The following RGPD2 variants were observed in gnomAD, a reference collection of about 807,000 sequenced individuals.
RGPD2 encodes RANBP2-like and GRIP domain-containing protein 2.
Under a neutral mutation model 36.0 loss-of-function variants are expected in RGPD2, and 2 were observed. That is an observed-to-expected ratio of 0.06 (90% CI 0.02 to 0.17). The LOEUF (loss-of-function observed/expected upper bound fraction) is 0.17, where lower values mean the gene tolerates loss of function less well. Ranked by LOEUF, RGPD2 falls within the 10% of genes least tolerant of loss-of-function variation. The pLI is 1.00. For synonymous variants in RGPD2, 19 were observed against 163.8 expected (o/e 0.12, Z 6.75); for missense variants, 40 against 464.3 (o/e 0.09, Z 8.40).
chr2:87,951,338 A>T, the RGPD2 span, among the ~76,000 whole-genome samples: 1 of 151,502 alleles, frequency 6.6e-6, no homozygotes, highest in East Asian at 2.0e-4. Flanking sequence ...AACTGCAAAA[A>T]CTAATTATTA....
At chr2:87,986,433 A>G in the RGPD2 span, among the ~76,000 whole-genome samples, 1 of 151,622 alleles carries the variant, frequency 6.6e-6, no homozygotes, top group Non-Finnish European at 1.5e-5. Flanking sequence ...GTGCCCAGCC[A>G]AGGACAGCTT....
chr2:87,857,489 C>T, the RGPD2 span, among the ~76,000 whole-genome samples: 1 of 151,392 alleles, frequency 6.6e-6, no homozygotes, highest in Non-Finnish European at 1.5e-5. Context: ...ACTACAGGCG[C>T]CCGCCTCCAC....
At chr2:87,978,232 C>CA in the RGPD2 span, among the ~76,000 whole-genome samples, 1 of 152,098 alleles carries the variant, frequency 6.6e-6, no homozygotes, top group Non-Finnish European at 1.5e-5. Flanking sequence ...GTCAAGAACT[C>CA]ACGTCTAGAA....
At chr2:87,858,087 G>A in the RGPD2 span, among the ~76,000 whole-genome samples, 1 of 152,242 alleles carries the variant, frequency 6.6e-6, no homozygotes, top group Non-Finnish European at 1.5e-5. Flanking sequence ...ATTTCCATGT[G>A]TAGATATAAA....
the RGPD2 span, among the ~76,000 whole-genome samples, chr2:87,971,961 CA>C: frequency 1.3e-5 from 2 of 150,346 alleles, no homozygotes; most frequent in Non-Finnish European, 1.5e-5. Context: ...CCCAACCACC[CA>C]AAAAAAGATA....
chr2:87,897,921 C>T, the RGPD2 span, among the ~76,000 whole-genome samples: 2 of 151,492 alleles, frequency 1.3e-5, no homozygotes, highest in Non-Finnish European at 2.9e-5. Context: ...TCAGATAATA[C>T]ATTTCAATTT....
chr2:87,980,351 CAA>C, the RGPD2 span, among the ~76,000 whole-genome samples: 3 of 3,394 alleles, frequency 8.8e-4, no homozygotes, highest in African/African-American at 1.2e-3. Context: ...TACTCCGTCT[CAA>C]AAAAAAAAAA....
At chr2:87,902,286 G>A in the RGPD2 span, among the ~76,000 whole-genome samples, 3 of 152,274 alleles carry the variant, frequency 2.0e-5, no homozygotes, top group South Asian at 6.2e-4. Flanking sequence ...TCTAGAGTTG[G>A]AAGAACTCTA....
chr2:87,855,610 C>G, the RGPD2 span, among the ~76,000 whole-genome samples: 1 of 150,780 alleles, frequency 6.6e-6, no homozygotes. Flanking sequence ...TTCAGAAGAG[C>G]ACTTTTTTTT....
chr2:87,988,487 T>C, the RGPD2 span, among the ~76,000 whole-genome samples: 4 of 118,398 alleles, frequency 3.4e-5, no homozygotes, highest in African/African-American at 1.1e-4. Flanking sequence ...GTTTCCCAGA[T>C]GTTCTTGCAA....
intron 1 of RGPD2, chr2:87,825,172 A>C (rs1686650733): frequency 7.7e-6 from 3 of 391,786 alleles, no homozygotes; most frequent in African/African-American, 2.1e-5. Context: ...AGTACTGATC[A>C]TTCTATTTCC....
At chr2:87,852,440 A>G in the RGPD2 span, among the ~76,000 whole-genome samples, 1 of 151,698 alleles carries the variant, frequency 6.6e-6, no homozygotes, top group Non-Finnish European at 1.5e-5. Context: ...TGCTCTAATG[A>G]CAGCATTCTC....
chr2:87,985,275 A>G, the RGPD2 span, among the ~76,000 whole-genome samples: 470 of 151,334 alleles, frequency 3.1e-3, 1 homozygote, highest in African/African-American at 0.011. Flanking sequence ...CTCAAATCAA[A>G]CCTTCCTCTT....
the RGPD2 span, among the ~76,000 whole-genome samples, chr2:87,831,283 AT>A: frequency 5.7e-5 from 8 of 140,664 alleles, no homozygotes; most frequent in African/African-American, 1.8e-4. Flanking sequence ...GGCAATAATG[AT>A]TTTTTTTTAC....
chr2:87,973,760 T>A, the RGPD2 span, among the ~76,000 whole-genome samples: 1 of 150,656 alleles, frequency 6.6e-6, no homozygotes, highest in Non-Finnish European at 1.5e-5. Flanking sequence ...CTGACTTACT[T>A]TGTGATCTTG....
the RGPD2 span, among the ~76,000 whole-genome samples, chr2:87,947,940 A>G: frequency 9.9e-5 from 15 of 151,226 alleles, no homozygotes; most frequent in African/African-American, 3.6e-4. Flanking sequence ...GACCCCTTCC[A>G]CACTGTGGAA....
chr2:87,825,399 G>C (rs1686675550), intron 1 of RGPD2, among the ~76,000 whole-genome samples: 1 of 130,622 alleles, frequency 7.7e-6, no homozygotes, highest in African/African-American at 2.9e-5. Flanking sequence ...GCCGCCGCCC[G>C]GCCAGGCCGA....
the RGPD2 span, among the ~76,000 whole-genome samples, chr2:87,929,435 T>C: frequency 7.0e-6 from 1 of 143,736 alleles, no homozygotes. Flanking sequence ...TGTAGTGTTG[T>C]TTGAAGTTGG....
At chr2:87,884,506 T>C in the RGPD2 span, among the ~76,000 whole-genome samples, 3 of 151,658 alleles carry the variant, frequency 2.0e-5, no homozygotes, top group Non-Finnish European at 1.5e-5. Flanking sequence ...AGAATAAGAG[T>C]TGGCTTTTTG....
Sources: allele counts gnomAD v4.1 joint callset (sites outside exome capture counted in the v4.1 genomes callset), GRCh38; gene constraint gnomAD v4.1.1; transcripts MANE v1.5; gene names NCBI Gene and HGNC (gene_info 2026-07-23, HGNC 2026-07-21).